The following TTN variants were observed in gnomAD, a reference collection of about 807,000 sequenced individuals.
TTN encodes titin, also known as connectin.
In TTN, 1,525 loss-of-function variants were observed where a neutral mutation model predicts 3,223.0. The ratio of observed to expected loss-of-function variants is 0.47; its 90% CI spans 0.45 to 0.49. TTN has a LOEUF of 0.49. TTN is among the 20% of genes least tolerant of loss of function. TTN has a pLI of 0.00. For synonymous variants in TTN, 14,094 were observed against 15,161.0 expected, an observed-to-expected ratio of 0.93 and a Z score of 5.17; for missense variants, 40,786 against 43,424.0, an observed-to-expected ratio of 0.94 and a Z score of 5.40.
rs1236582834 is a variant in TTN, at chr2:178,537,466, G to A, written c.99741C>T (p.Asn33247=). The A allele has an allele frequency of 6.2e-7, 1 of 1,613,356 alleles. No homozygotes were observed. The highest frequency in any genetic ancestry group is 8.5e-7 in the Non-Finnish European group (1 of 1,179,666). The change falls in exon 355 of 363, where the codon AAC becomes AAT. Residue 33247 remains asparagine (N), a synonymous_variant. Transcript: ENST00000589042. ...TGACAAGATGAGTATAGTGCTCAGT[G>A]TTTTCAATAGTAATGTTTTCTGAGT... ...LQNSENITIE[N]TEHYTHLVMK...
At chr2:178,750,291 GT>G (rs2085071011) in intron 47 of TTN, 3 of 1,613,004 alleles carry the variant, frequency 1.9e-6, no homozygotes. Flanking sequence ...TCATGTTTTT[GT>G]TTTGCTTTCA....
chr2:178,568,831 A>T lies in TTN; in HGVS notation c.77301T>A (p.Tyr25767Ter), dbSNP rs1363832000. Residue 25767 changes from tyrosine (Y) to a stop codon, truncating the protein, a stop_gained, in exon 326 of 363, where the codon TAT becomes TAA. Coordinates refer to ENST00000589042, the MANE Select transcript of TTN (RefSeq NM_001267550.2). LOFTEE classifies it high-confidence loss of function. ...CATTTACAGCAACAACTCTAAAAAGATATTCTTCCCCTTGAGTTAGGTTGG... is the reference window on the plus strand; with the variant it reads ...CATTTACAGCAACAACTCTAAAAAGTTATTCTTCCCCTTGAGTTAGGTTGG... The part of the protein sequence containing the change: ...VITNLTQGEE[Y>*]LFRVVAVNEK... The T allele has an allele frequency of 6.2e-7, 1 of 1,613,248 alleles. No individual in the cohort carries two copies. The highest frequency in any genetic ancestry group is 1.7e-5 in the Admixed American group (1 of 59,966).
At chr2:178,649,493 G>C in intron 212 of TTN, 61 bp downstream of exon 212, 5 of 1,491,496 alleles carry the variant, frequency 3.4e-6, no homozygotes, top group Non-Finnish European at 4.5e-6. Context: ...CAACTTATTG[G>C]ATTCCACTTT....
chr2:178,584,298 A>G lies in TTN; in HGVS notation c.65253T>C (p.Tyr21751=), dbSNP rs2048453002. ...TACCAACTGGCATTCTTGCAGTTACATATTCTGTGGGTTTGCTGGGTGGGC... is the reference window on the plus strand; with the variant it reads ...TACCAACTGGCATTCTTGCAGTTACGTATTCTGTGGGTTTGCTGGGTGGGC... ...GSSPPSKPTE[Y]VTARMPVDPP... The change falls in exon 311 of 363, where the codon TAT becomes TAC. Residue 21751 remains tyrosine, a synonymous_variant. Coordinates refer to ENST00000589042, the MANE Select transcript of TTN (RefSeq NM_001267550.2). 2 of 1,584,906 alleles carry G rather than the reference A, an allele frequency of 1.3e-6. No homozygotes were observed. The highest frequency in any genetic ancestry group is 1.4e-5 in the African/African-American group (1 of 74,000).
chr2:178,599,313 G>A lies in TTN; in HGVS notation c.56480C>T (p.Ala18827Val). Residue 18827 changes from alanine to valine, a missense_variant, in exon 290 of 363, where the codon GCT becomes GTT. Ala to Val is a moderately conservative substitution (Grantham distance 64). Transcript: ENST00000589042. ...ITNYVIEKRE[A>V]NRKTWVHVSS... ...GACATGGACCCATGTCTTCCTGTTA[G>A]CTTCTCTTTTCTCAATTACATAGTT... 4.3e-6 allele frequency: 7 copies of A among 1,610,030 alleles called. No individual in the cohort carries two copies. The highest frequency in any genetic ancestry group is 5.9e-6 in the Non-Finnish European group (7 of 1,178,372).
At chr2:178,595,844 C>T in intron 294 of TTN, 35 bp from the exon 295 acceptor site, 2 of 1,542,616 alleles carry the variant, frequency 1.3e-6, no homozygotes, top group Non-Finnish European at 1.7e-6. Flanking sequence ...AAGCTGTTTG[C>T]CTTCAATGAA....
chr2:178,679,367 A>G lies in TTN; in HGVS notation c.33714T>C (p.Pro11238=). Residue 11238 remains proline (P), a synonymous_variant, in exon 142 of 363, where the codon CCT becomes CCC. Transcript: ENST00000589042. ...KPEEKVPVLI[P]KKEKPPPAKV... is the part of the protein sequence containing the mutation. ...TTGCTGGCGGAGGCTTCTCCTTTTT[A>G]GGAATAAGCACAGGAACTTTCTCCT... The G allele has an allele frequency of 6.2e-7, 1 of 1,612,752 alleles. No homozygotes were observed. The highest frequency in any genetic ancestry group is 8.5e-7 in the Non-Finnish European group (1 of 1,179,074).
chr2:178,630,515 G>C lies in TTN; in HGVS notation c.44155-148C>G. 3 of 1,133,970 alleles carry C rather than the reference G, an allele frequency of 2.6e-6. No individual in the cohort carries two copies. The South Asian group carries it at 4.7e-5, about 18-fold the overall frequency. The allele number at this position is 1,133,970 out of a possible 1,614,324, so 70.2% of individuals were successfully genotyped here. Reference sequence around the variant, plus strand: ...TTGAGCTCTTTTTTTAGGAAGTAAAGCTTACAAGTACTAAGAGGAAAGCCA... The same window carrying C: ...TTGAGCTCTTTTTTTAGGAAGTAAACCTTACAAGTACTAAGAGGAAAGCCA... On this transcript the variant is annotated intron_variant, in intron 238 of 362. Coordinates refer to ENST00000589042, the MANE Select transcript of TTN (RefSeq NM_001267550.2).
At chr2:178,595,856 G>T in intron 294 of TTN, 47 bp from the exon 295 acceptor site, 3 of 1,518,784 alleles carry the variant, frequency 2.0e-6, no homozygotes, top group South Asian at 1.3e-5. Flanking sequence ...TTCAATGAAA[G>T]ATAATGCTCA....
rs765022890 is a variant in TTN, at chr2:178,550,102, A to G, written c.91736T>C (p.Leu30579Pro). The change falls in exon 337 of 363, where the codon CTT becomes CCT. Residue 30579 changes from leucine (L) to proline (P), a missense_variant. Coordinates refer to ENST00000589042, the MANE Select transcript of TTN (RefSeq NM_001267550.2). Reference sequence around the variant, plus strand: ...TCTAACAAATAGGCTGGTGGATCCAAGTACGTCGGTTATTTCCATATTCAT... The same window carrying G: ...TCTAACAAATAGGCTGGTGGATCCAGGTACGTCGGTTATTTCCATATTCAT... Reference protein sequence around the residue: ...KRMNMEITDVLGSTSLFVRDA... With the variant: ...KRMNMEITDVPGSTSLFVRDA... 6 of 1,613,686 alleles carry G rather than the reference A, an allele frequency of 3.7e-6. No homozygotes were observed. In the East Asian group the frequency reaches 6.7e-5, roughly 18 times the overall value.
intron 208 of TTN, 76 bp from the exon 209 acceptor site, chr2:178,650,910 T>G: frequency 6.9e-7 from 1 of 1,445,184 alleles, no homozygotes; most frequent in Non-Finnish European, 9.5e-7. Context: ...GACTTCACAT[T>G]TTGCTCAAAT....
chr2:178,768,631 T>C (rs1313362466), intron 38 of TTN, 42 bp downstream of exon 38: 2 of 1,613,374 alleles, frequency 1.2e-6, no homozygotes, highest in Non-Finnish European at 1.7e-6. Flanking sequence ...ATAAAGCATG[T>C]ATGACATTTT....
In TTN at chr2:178,718,051, C is replaced by G; in HGVS notation, c.24955G>C (p.Ala8319Pro). ...AYKMQFKNNV[A>P]SLVINKVDHS... ...TCCACTTTGTTGATTACTAAGGAAG[C>G]AACGTTATTTTTGAATTGCATTTTA... Residue 8319 changes from alanine to proline, a missense_variant, in exon 86 of 363, where the codon GCT becomes CCT. By Grantham distance (27) the Ala-to-Pro change is conservative. Transcript: ENST00000589042. 2.5e-6 allele frequency: 4 copies of G among 1,613,748 alleles called. No individual in the cohort carries two copies. Among genetic ancestry groups the G allele is most frequent in the Non-Finnish European group, 3.4e-6 (4 of 1,179,718 alleles).
chr2:178,649,736 A>G, intron 211 of TTN, 81 bp downstream of exon 211: 2 of 1,556,882 alleles, frequency 1.3e-6, no homozygotes, highest in Admixed American at 1.7e-5. Flanking sequence ...TAACAAACAT[A>G]TAATACAACA....
chr2:178,561,055 C>T lies in TTN; in HGVS notation c.85077G>A (p.Met28359Ile), dbSNP rs773774387. 1 of 1,613,828 alleles carries T rather than the reference C, an allele frequency of 6.2e-7. No homozygotes were observed. The highest frequency in any genetic ancestry group is 1.7e-5 in the Admixed American group (1 of 59,988). ...CAATAACGTCTCGGAACTTGACATCCATCATAACTCTTGGAGGCTCAACAT... is the reference window on the plus strand; with the variant it reads ...CAATAACGTCTCGGAACTTGACATCTATCATAACTCTTGGAGGCTCAACAT... ...KDDVEPPRVM[M>I]DVKFRDVIVV... The change falls in exon 326 of 363, where the codon ATG becomes ATA. Residue 28359 changes from methionine (M) to isoleucine (I), a missense_variant. Met to Ile is a conservative substitution (Grantham distance 10). Coordinates refer to ENST00000589042, the MANE Select transcript of TTN (RefSeq NM_001267550.2).
intron 283 of TTN, 58 bp downstream of exon 283, chr2:178,602,224 T>C (rs919203201): frequency 1.1e-5 from 17 of 1,595,224 alleles, no homozygotes; most frequent in Middle Eastern, 1.7e-4. Flanking sequence ...TTCAGTAAAT[T>C]AATCAATTTC....
chr2:178,719,167 GCA>G lies in TTN; in HGVS notation c.24221_24222del (p.Val8074AlafsTer7). On this transcript the variant is annotated frameshift_variant, in exon 83 of 363. Coordinates refer to ENST00000589042, the MANE Select transcript of TTN (RefSeq NM_001267550.2). LOFTEE classifies it high-confidence loss of function. The part of the protein sequence containing the change: ...GSDECSAVLT[V>X]QEPPSFEQTP... Reference sequence around the variant, plus strand: ...AGCTTTATCCTTGCACACTGACCTTGCACAGTCAGGACTGCTGAGCACTCATC... The same window carrying G: ...AGCTTTATCCTTGCACACTGACCTTGCAGTCAGGACTGCTGAGCACTCATC... 6.2e-7 allele frequency: 1 copy of G among 1,610,602 alleles called. No homozygotes were observed. The highest frequency in any genetic ancestry group is 8.5e-7 in the Non-Finnish European group (1 of 1,177,364).
At chr2:178,610,457 C>T in intron 270 of TTN, 68 bp from the exon 271 acceptor site, 2 of 1,497,434 alleles carry the variant, frequency 1.3e-6, no homozygotes, top group African/African-American at 2.8e-5. Context: ...GCACTTGTCT[C>T]TAAGTGGGGC....
chr2:178,793,379 A>T, intron 9 of TTN, 25 bp downstream of exon 9: 1 of 1,613,278 alleles, frequency 6.2e-7, no homozygotes, highest in African/African-American at 1.3e-5. Context: ...ACCTCAGTGA[A>T]TTTAAAATAC....
Sources: gnomAD v4.1 joint callset for allele counts on GRCh38, gnomAD v4.1.1 for gene constraint, MANE v1.5 for transcripts, NCBI Gene and HGNC (gene_info 2026-07-23, HGNC 2026-07-21) for gene names.